The following HTR1E variants were observed in gnomAD, a reference collection of about 807,000 sequenced individuals.
The protein encoded by HTR1E is 5-hydroxytryptamine receptor 1E.
In HTR1E, 3 loss-of-function variants were observed where a neutral mutation model predicts 3.4. That is an observed-to-expected ratio of 0.89 (90% CI 0.41 to 2.31). The LOEUF (loss-of-function observed/expected upper bound fraction) is 2.31, where lower values mean the gene tolerates loss of function less well. HTR1E is among the 30% of genes most tolerant of loss of function. The probability of loss-of-function intolerance (pLI) is 0.05; values close to 1 mark genes in which losing one functional copy is unlikely to be tolerated. For synonymous variants in HTR1E, 170 were observed against 182.8 expected (o/e 0.93, Z 0.56); for missense variants, 392 against 467.0 (o/e 0.84, Z 1.48).
rs570048204 is a variant in HTR1E, at chr6:86,955,727, A to AGT, written c.-186+17905_-186+17906insTG. ...CTATGTGTAGGCTTGAGTGAGTGAG[A>AGT]GAGAGTGTGTGTGTGTGTATGTATG... On this transcript the variant is annotated intron_variant, in intron 1 of 1. Transcript: ENST00000305344. Among the ~76,000 whole-genome samples, 494 of 140,916 alleles carry AGT rather than the reference A, an allele frequency of 3.5e-3. 7 individuals carry two copies. The highest frequency in any genetic ancestry group is 0.013 in the African/African-American group (452 of 35,628). The allele number at this position is 140,916 out of a possible 152,430, so 92.4% of individuals were successfully genotyped here.
chr6:86,965,204 C>T (rs1450943858), intron 1 of HTR1E, among the ~76,000 whole-genome samples: 1 of 152,188 alleles, frequency 6.6e-6, no homozygotes, highest in East Asian at 1.9e-4. Flanking sequence ...CTCACTGCTC[C>T]TCTGACAGAG....
chr6:86,962,653 C>T (rs1437193222), intron 1 of HTR1E, among the ~76,000 whole-genome samples: 1 of 152,050 alleles, frequency 6.6e-6, no homozygotes, highest in African/African-American at 2.4e-5. Context: ...ACCTGCCCAA[C>T]ATGGTGAAAT....
intron 1 of HTR1E, among the ~76,000 whole-genome samples, chr6:86,966,241 T>G (rs142615420): frequency 6.6e-6 from 1 of 152,020 alleles, no homozygotes; most frequent in African/African-American, 2.4e-5. Flanking sequence ...GGTTAAGTGA[T>G]TGAGTCCAAG....
At chr6:87,010,187 C>A (rs1582285176) in intron 1 of HTR1E, among the ~76,000 whole-genome samples, 1 of 92,454 alleles carries the variant, frequency 1.1e-5, no homozygotes, top group Non-Finnish European at 2.1e-5. Context: ...GGGCGGGGGG[C>A]CGACCCCCCC....
chr6:86,981,433 G>T (rs1476187371), intron 1 of HTR1E, among the ~76,000 whole-genome samples: 1 of 152,044 alleles, frequency 6.6e-6, no homozygotes, highest in Non-Finnish European at 1.5e-5. Context: ...TTACCATTTC[G>T]CAGGTAAATA....
In HTR1E at chr6:87,016,002, G is replaced by A. The variant is rs1401326444; in HGVS notation, c.668G>A (p.Ser223Asn). 6.2e-7 allele frequency: 1 copy of A among 1,614,190 alleles called. No individual in the cohort carries two copies. Among genetic ancestry groups the A allele is most frequent in the East Asian group, 2.2e-5 (1 of 44,886 alleles). ...YQKRGSSRHL[S>N]NRSTDSQNSF... ...AAAAGGGGATCAAGTCGGCACTTAAGCAACAGAAGCACAGATAGCCAGAAT... is the reference window on the plus strand; with the variant it reads ...AAAAGGGGATCAAGTCGGCACTTAAACAACAGAAGCACAGATAGCCAGAAT... Residue 223 changes from serine to asparagine, a missense_variant, in exon 2 of 2, where the codon AGC (serine) becomes AAC (asparagine). By Grantham distance (46) the Ser-to-Asn change is conservative (BLOSUM62 1). Transcript: ENST00000305344.
chr6:86,973,216 C>T (rs1231193656), intron 1 of HTR1E, among the ~76,000 whole-genome samples: 5 of 152,020 alleles, frequency 3.3e-5, no homozygotes, highest in Non-Finnish European at 7.4e-5. Flanking sequence ...TTCTATGCTC[C>T]TTGTCTGGAA....
At chr6:87,014,627 TA>T (rs1170945812) in intron 1 of HTR1E, among the ~76,000 whole-genome samples, 1 of 152,116 alleles carries the variant, frequency 6.6e-6, no homozygotes, top group East Asian at 1.9e-4. Flanking sequence ...TATGCAGCCA[TA>T]AAAAAGGATG....
intron 1 of HTR1E, among the ~76,000 whole-genome samples, chr6:86,995,688 G>GAAAA (rs58476122): frequency 3.6e-5 from 2 of 55,206 alleles, no homozygotes; most frequent in African/African-American, 1.0e-4. Context: ...AAAAAAAAAA[G>GAAAA]AAAAAAAAAA....
chr6:86,989,128 C>G (rs1767838132), intron 1 of HTR1E, among the ~76,000 whole-genome samples: 1 of 152,146 alleles, frequency 6.6e-6, no homozygotes, highest in South Asian at 2.1e-4. Context: ...TTACCCAAGG[C>G]AGCCATCTGT....
At chr6:86,938,412 T>G (rs772850638) in intron 1 of HTR1E, among the ~76,000 whole-genome samples, 5 of 152,080 alleles carry the variant, frequency 3.3e-5, no homozygotes, top group African/African-American at 1.2e-4. Flanking sequence ...AGAGTTAAGA[T>G]GAGAAGTTTG....
intron 1 of HTR1E, among the ~76,000 whole-genome samples, chr6:86,972,619 T>C (rs541095932): frequency 1.1e-4 from 16 of 152,330 alleles, no homozygotes; most frequent in Middle Eastern, 3.4e-3. Flanking sequence ...AAATTTCTAA[T>C]AATAATGGCA....
At chr6:86,991,463 A>T (rs1391809061) in intron 1 of HTR1E, among the ~76,000 whole-genome samples, 1 of 152,168 alleles carries the variant, frequency 6.6e-6, no homozygotes, top group Admixed American at 6.5e-5. Context: ...ATTTCTACCA[A>T]AATAAAAAGT....
chr6:87,012,984 T>G (rs1009997556), intron 1 of HTR1E, among the ~76,000 whole-genome samples: 1 of 152,166 alleles, frequency 6.6e-6, no homozygotes, highest in Non-Finnish European at 1.5e-5. Flanking sequence ...AAATCAGGAC[T>G]TATGAAGTGA....
At position 86,948,764 on chromosome 6, in the gene HTR1E, G is replaced by A. The variant is rs539806286; in HGVS notation, c.-186+10941G>A. The stretch of plus-strand genomic sequence containing the variant: ...ACTGTGATTGGTTCAGGGATAGGCC[G>A]TGATCCAAGCAGACCAATTGGAATC... On this transcript the variant is annotated intron_variant, in intron 1 of 1. Transcript: ENST00000305344. 4.5e-4 allele frequency among the ~76,000 whole-genome samples: 69 copies of A among 152,274 alleles called. 1 individual carries two copies. The highest frequency in any genetic ancestry group is 1.6e-3 in the African/African-American group (66 of 41,548).
chr6:86,976,975 A>G (rs1767647328), intron 1 of HTR1E, among the ~76,000 whole-genome samples: 1 of 152,254 alleles, frequency 6.6e-6, no homozygotes, highest in Non-Finnish European at 1.5e-5. Flanking sequence ...ACTTCTTAGA[A>G]CAATTTTTTT....
chr6:86,980,472 A>C (rs942181774), intron 1 of HTR1E, among the ~76,000 whole-genome samples: 6 of 152,124 alleles, frequency 3.9e-5, no homozygotes, highest in Non-Finnish European at 8.8e-5. Context: ...GCACCACCCA[A>C]CTCAGACACG....
intron 1 of HTR1E, among the ~76,000 whole-genome samples, chr6:87,010,306 GC>G (rs1768194433): frequency 8.9e-6 from 1 of 112,040 alleles, no homozygotes; most frequent in African/African-American, 4.0e-5. Context: ...GGCTGGCCGG[GC>G]GGGGGGGCTG....
At chr6:86,943,280 T>C (rs1346051977) in intron 1 of HTR1E, among the ~76,000 whole-genome samples, 1 of 152,156 alleles carries the variant, frequency 6.6e-6, no homozygotes, top group Non-Finnish European at 1.5e-5. Context: ...TTGCATCTCA[T>C]GGAATGCTCT....
Sources: gnomAD v4.1 joint callset for allele counts (sites outside exome capture counted in the v4.1 genomes callset) on GRCh38, gnomAD v4.1.1 for gene constraint, MANE v1.5 for transcripts, NCBI Gene and HGNC (gene_info 2026-07-23, HGNC 2026-07-21) for gene names.